Variants in USP53 observed in about 807,000 individuals in gnomAD.
USP53 encodes the protein ubiquitin carboxyl-terminal hydrolase 53.
USP53 carries 71 observed loss-of-function variants against 94.9 expected under a neutral mutation model. The observed-to-expected ratio is 0.75, with a 90% CI of 0.62 to 0.91. USP53 has a LOEUF of 0.91. Ranked by LOEUF, USP53 falls within the 40% of genes least tolerant of loss-of-function variation. The pLI, the probability that USP53 is intolerant of heterozygous loss-of-function variation, is 0.00. For synonymous variants in USP53, 375 were observed against 422.7 expected, an observed-to-expected ratio of 0.89 and a Z score of 1.39; for missense variants, 1,173 against 1,281.0, an observed-to-expected ratio of 0.92 and a Z score of 1.29.
chr4:119,291,439 C>T (rs1754751605), intron 18 of USP53, among the ~76,000 whole-genome samples, 178 bp downstream of exon 18: 1 of 149,870 alleles, frequency 6.7e-6, no homozygotes, highest in Admixed American at 6.6e-5. Context: ...GTACCAGGTA[C>T]AGTATCTGAT....
At position 119,260,622 on chromosome 4, in the gene USP53, G is replaced by T. The variant is rs745652236; in HGVS notation, c.791G>T (p.Arg264Leu). The T allele has an allele frequency of 6.2e-7, 1 of 1,613,220 alleles. No individual in the cohort carries two copies. Among genetic ancestry groups the T allele is most frequent in the Admixed American group, 1.7e-5 (1 of 59,970 alleles). ...EHSDLTEAVV[R>L]NLATHLYLPG... ...TCTGACTTGACCGAAGCTGTTGTTC[G>T]GAATCTAGCAACACATCTTTATCTT... Residue 264 changes from arginine to leucine, a missense_variant, in exon 11 of 19, where the codon CGG becomes CTG. Transcript: ENST00000692078.
At chr4:119,217,107 G>A (rs1405268756) in intron 2 of USP53, among the ~76,000 whole-genome samples, 1 of 152,048 alleles carries the variant, frequency 6.6e-6, no homozygotes, top group Non-Finnish European at 1.5e-5. Flanking sequence ...TATCAGAGGA[G>A]GAATAAAATA....
intron 12 of USP53, 125 bp downstream of exon 12, chr4:119,261,989 A>G (rs1750573753): frequency 1.1e-6 from 1 of 879,994 alleles, no homozygotes; most frequent in Non-Finnish European, 1.5e-6. Flanking sequence ...ATAAATGAAC[A>G]TGATGATAGC....
intron 15 of USP53, among the ~76,000 whole-genome samples, chr4:119,270,244 G>A (rs991409776): frequency 6.6e-6 from 1 of 151,536 alleles, no homozygotes; most frequent in African/African-American, 2.4e-5. Flanking sequence ...ACAGGCACAT[G>A]CCACCACACC....
chr4:119,253,745 A>G (rs1303421072), intron 7 of USP53, among the ~76,000 whole-genome samples: 2 of 152,134 alleles, frequency 1.3e-5, no homozygotes, highest in South Asian at 2.1e-4. Context: ...TTATGTGTGA[A>G]TTTGATCCTG....
In USP53 at chr4:119,293,060, C is replaced by T. The variant is rs373664711; in HGVS notation, c.3071C>T (p.Ser1024Phe). 61 of 1,614,000 alleles carry T rather than the reference C, an allele frequency of 3.8e-5. No homozygotes were observed. The East Asian group carries it at 9.1e-4, about 24-fold the overall frequency. Residue 1024 changes from serine to phenylalanine, a missense_variant, in exon 19 of 19, where the codon TCT (serine) becomes TTT (phenylalanine). Transcript: ENST00000692078. ...GCATTTTGCCAACCAGAACTAGACT[C>T]TATTTCTACCTGTCCAAATGAGACA... is the stretch of plus-strand genomic sequence containing the variant. ...IDAFCQPELD[S>F]ISTCPNETVS...
At chr4:119,253,440 C>T (rs1749317694) in intron 7 of USP53, among the ~76,000 whole-genome samples, 1 of 152,188 alleles carries the variant, frequency 6.6e-6, no homozygotes, top group South Asian at 2.1e-4. Flanking sequence ...GTTAGCTCTT[C>T]TTATTGAATT....
In USP53 at chr4:119,271,989, G is replaced by A. The variant is rs760832027; in HGVS notation, c.2129G>A (p.Gly710Asp). 44 of 1,611,306 alleles carry A rather than the reference G, an allele frequency of 2.7e-5. No homozygotes were observed. The South Asian group carries it at 3.7e-4, about 13-fold the overall frequency. The stretch of plus-strand genomic sequence containing the variant: ...GACTCACCTGTTATCGATGGAAATG[G>A]TACAGTAATGGATATCAGTGGTGTT... ...NLDSPVIDGN[G>D]TVMDISGVKE... Residue 710 changes from glycine to aspartate, a missense_variant, in exon 16 of 19, where the codon GGT (glycine) becomes GAT (aspartate). Gly to Asp is a moderately conservative substitution (Grantham distance 94, BLOSUM62 -1). Transcript: ENST00000692078.
chr4:119,260,977 T>TGC (rs1750442702), intron 11 of USP53, among the ~76,000 whole-genome samples: 1 of 46,582 alleles, frequency 2.1e-5, no homozygotes, highest in Non-Finnish European at 4.1e-5. Context: ...TTTTTTTTTT[T>TGC]GCGGCAGAGT....
chr4:119,286,924 A>G (rs1754176690), intron 17 of USP53, among the ~76,000 whole-genome samples: 2 of 152,050 alleles, frequency 1.3e-5, no homozygotes, highest in Admixed American at 6.5e-5. Flanking sequence ...TTTCTTAAAC[A>G]TGAAAAATAA....
At chr4:119,247,524 T>C (rs913076217) in intron 6 of USP53, among the ~76,000 whole-genome samples, 1 of 152,226 alleles carries the variant, frequency 6.6e-6, no homozygotes, top group Non-Finnish European at 1.5e-5. Context: ...CACTGCTTTA[T>C]TTTTCTCTCT....
chr4:119,225,472 C>T (rs187815639), intron 3 of USP53, among the ~76,000 whole-genome samples: 1 of 152,150 alleles, frequency 6.6e-6, no homozygotes, highest in African/African-American at 2.4e-5. Context: ...AACAGCCAGG[C>T]GTGGTGGCTC....
rs1578462791 is a variant in USP53, at chr4:119,245,460, A to G, written c.237+31A>G. 1.3e-5 allele frequency: 21 copies of G among 1,593,200 alleles called. No individual in the cohort carries two copies. In the East Asian group the frequency reaches 4.5e-4, roughly 34 times the overall value. On this transcript the variant is annotated intron_variant, in intron 6 of 18. Transcript: ENST00000692078. Reference sequence around the variant, plus strand: ...CTTTTAATAGCTCTGAAAAACTACTATCAATTGTTCCTTCAAAAATTTAAG... The same window carrying G: ...CTTTTAATAGCTCTGAAAAACTACTGTCAATTGTTCCTTCAAAAATTTAAG...
intron 17 of USP53, among the ~76,000 whole-genome samples, chr4:119,286,242 A>G (rs915330248): frequency 7.2e-6 from 1 of 138,534 alleles, no homozygotes; most frequent in South Asian, 2.2e-4. Context: ...ATATATGTCT[A>G]TTTTAAACAT....
chr4:119,260,071 T>G, intron 10 of USP53, 146 bp downstream of exon 10: 1 of 520,680 alleles, frequency 1.9e-6, no homozygotes, highest in Non-Finnish European at 3.1e-6. Flanking sequence ...TTATACCATG[T>G]GTATCATTTA....
chr4:119,246,478 C>A (rs1748255783), intron 6 of USP53, among the ~76,000 whole-genome samples: 1 of 152,206 alleles, frequency 6.6e-6, no homozygotes. Flanking sequence ...CTCAGATATT[C>A]CAGGTCCCAG....
intron 17 of USP53, among the ~76,000 whole-genome samples, chr4:119,289,275 A>T (rs192829684): frequency 2.0e-3 from 312 of 152,376 alleles, no homozygotes; most frequent in African/African-American, 7.2e-3. Flanking sequence ...TGGCTTAAAA[A>T]ACACAAGTAT....
At chr4:119,246,145 A>G (rs757003258) in intron 6 of USP53, among the ~76,000 whole-genome samples, 59 of 152,354 alleles carry the variant, frequency 3.9e-4, no homozygotes, top group Admixed American at 1.2e-3. Flanking sequence ...GCTTTAAAAC[A>G]TGTCTGTGGA....
chr4:119,229,082 C>A (rs893316559), intron 3 of USP53, among the ~76,000 whole-genome samples: 2 of 152,146 alleles, frequency 1.3e-5, no homozygotes, highest in African/African-American at 4.8e-5. Context: ...GATTATAAAT[C>A]TGAATGGTCT....
Sources: allele counts gnomAD v4.1 joint callset (sites outside exome capture counted in the v4.1 genomes callset), GRCh38; gene constraint gnomAD v4.1.1; transcripts MANE v1.5; gene names NCBI Gene and HGNC (gene_info 2026-07-23, HGNC 2026-07-21).